ZHX2: variants seen among roughly 807,000 people sequenced by gnomAD.
The protein encoded by ZHX2 is zinc fingers and homeoboxes 2.
In ZHX2, 6 loss-of-function variants were observed where a neutral mutation model predicts 21.9. The observed-to-expected ratio is 0.27, with a 90% CI of 0.15 to 0.54. The LOEUF is 0.54. Ranked by LOEUF, ZHX2 falls within the 20% of genes least tolerant of loss-of-function variation. The pLI is 0.95. For missense variants in ZHX2, 908 were observed against 1,090.7 expected (o/e 0.83, Z 2.36); for synonymous variants, 434 against 437.1 (o/e 0.99, Z 0.09).
chr8:122,889,678 C>T (rs2129854622), intron 2 of ZHX2, among the ~76,000 whole-genome samples: 1 of 152,272 alleles, frequency 6.6e-6, no homozygotes, highest in East Asian at 1.9e-4. Context: ...CGGGTTTGAA[C>T]TGTGTGGGTC....
At chr8:122,895,888 A>T (rs563771505) in intron 2 of ZHX2, among the ~76,000 whole-genome samples, 55 of 152,156 alleles carry the variant, frequency 3.6e-4, no homozygotes, top group Admixed American at 7.2e-4. Context: ...CTTCCCAAAG[A>T]ATAAGCTTTA....
At chr8:122,787,468 G>A (rs1170011739) in intron 1 of ZHX2, among the ~76,000 whole-genome samples, 1 of 152,222 alleles carries the variant, frequency 6.6e-6, no homozygotes, top group African/African-American at 2.4e-5. Flanking sequence ...TCACTGTGGT[G>A]TAAGAGATTT....
At chr8:122,843,788 C>G (rs1201240679) in intron 1 of ZHX2, among the ~76,000 whole-genome samples, 1 of 152,186 alleles carries the variant, frequency 6.6e-6, no homozygotes, top group African/African-American at 2.4e-5. Context: ...GAAACACTTC[C>G]AGCTGGTGGG....
At chr8:122,783,948 G>C (rs936652063) in intron 1 of ZHX2, among the ~76,000 whole-genome samples, 2 of 152,210 alleles carry the variant, frequency 1.3e-5, no homozygotes, top group Non-Finnish European at 1.5e-5. Flanking sequence ...TTGCGCACTT[G>C]TACCTTTCCT....
intron 1 of ZHX2, among the ~76,000 whole-genome samples, chr8:122,848,827 A>G (rs570110400): frequency 6.6e-6 from 1 of 152,296 alleles, no homozygotes; most frequent in African/African-American, 2.4e-5. Context: ...CTCGGTCCTC[A>G]TGGCCAGGGT....
chr8:122,880,316 G>A (rs983547914), intron 2 of ZHX2, among the ~76,000 whole-genome samples: 9 of 152,110 alleles, frequency 5.9e-5, no homozygotes, highest in South Asian at 2.1e-4. Context: ...CTGGTGACAC[G>A]GAGTGACTCC....
chr8:122,945,887 G>A (rs1178365641), intron 2 of ZHX2, among the ~76,000 whole-genome samples: 2 of 152,206 alleles, frequency 1.3e-5, no homozygotes, highest in African/African-American at 4.8e-5. Flanking sequence ...AGGGGATGGT[G>A]TGATGACTGG....
At chr8:122,862,157 T>C (rs7816416) in intron 1 of ZHX2, among the ~76,000 whole-genome samples, 62,806 of 151,918 alleles carry the variant, frequency 0.41, 13,457 homozygotes, top group African/African-American at 0.48. Context: ...CACCACTCAC[T>C]TCCAGGACTC....
intron 2 of ZHX2, among the ~76,000 whole-genome samples, chr8:122,880,724 AAGATCATGCCACTACACTCC>A (rs6150794): frequency 0.43 from 64,950 of 149,496 alleles, 14,738 homozygotes; most frequent in South Asian, 0.66. Context: ...GCAGTGAGCC[AAGATCATGCCACTACACTCC>A]AGCTTGGGCA....
chr8:122,877,101 A>G (rs950136331), intron 2 of ZHX2, among the ~76,000 whole-genome samples: 2 of 152,072 alleles, frequency 1.3e-5, no homozygotes, highest in African/African-American at 4.8e-5. Flanking sequence ...AAGTGGAGAG[A>G]GGATGGCAAT....
chr8:122,841,065 G>C (rs1489386492), intron 1 of ZHX2, among the ~76,000 whole-genome samples: 1 of 152,194 alleles, frequency 6.6e-6, no homozygotes, highest in Non-Finnish European at 1.5e-5. Flanking sequence ...AGCATTGACT[G>C]TTTACCTGGC....
chr8:122,955,994 G>A (rs545495786), intron 3 of ZHX2, among the ~76,000 whole-genome samples: 11 of 151,992 alleles, frequency 7.2e-5, no homozygotes, highest in Middle Eastern at 3.4e-3. Flanking sequence ...ACAGGCATGC[G>A]CCACCCCACC....
At position 122,953,442 on chromosome 8, in the gene ZHX2, G is replaced by A. The variant is rs761249396; in HGVS notation, c.1932G>A (p.Arg644=). Residue 644 remains arginine (R), a synonymous_variant, in exon 3 of 4, where the codon AGG becomes AGA. Transcript: ENST00000314393. The surrounding 1 kb of genome is among the most constrained non-coding windows in gnomAD (Gnocchi z 4.6). ...AKSQEQVHLL[R]STFARTQWPT... is the part of the protein sequence containing the mutation. ...GTCAAGAACAGGTTCATCTCCTGAG[G>A]AGCACGTTTGCAAGAACCCAGTGGC... The A allele has an allele frequency of 3.7e-6, 6 of 1,614,072 alleles. No homozygotes were observed. The highest frequency in any genetic ancestry group is 1.7e-5 in the Admixed American group (1 of 60,010).
Position 122,875,729 on chromosome 8 carries a change from G to A in ZHX2, c.-220+12190G>A, listed in dbSNP as rs567389561. On this transcript the variant is annotated intron_variant, in intron 2 of 3. Transcript: ENST00000314393. ...GGAAACAGAAGCTGCCTGGGGGTGC[G>A]GGTCCCCCGCCCGTGGTTACACAGT... Among the ~76,000 whole-genome samples the A allele has an allele frequency of 1.6e-4, 24 of 152,344 alleles. No individual in the cohort carries two copies. In the South Asian group the frequency reaches 2.5e-3, roughly 16 times the overall value.
intron 2 of ZHX2, among the ~76,000 whole-genome samples, chr8:122,940,624 T>C (rs552063279): frequency 1.4e-3 from 207 of 152,354 alleles, no homozygotes; most frequent in African/African-American, 4.6e-3. Flanking sequence ...GCTTTCTTCC[T>C]AACAAGAGCT....
intron 3 of ZHX2, among the ~76,000 whole-genome samples, chr8:122,965,009 G>GT (rs1296193507): frequency 7.3e-6 from 1 of 137,412 alleles, no homozygotes; most frequent in Non-Finnish European, 1.6e-5. Flanking sequence ...TTCTAATTGA[G>GT]TTTATTTGGA....
chr8:122,941,233 G>A (rs550262876), intron 2 of ZHX2, among the ~76,000 whole-genome samples: 2 of 152,260 alleles, frequency 1.3e-5, no homozygotes, highest in East Asian at 3.9e-4. Context: ...GTGACAGAGT[G>A]AGAACCTGTC....
chr8:122,849,823 A>G (rs1163462195), intron 1 of ZHX2, among the ~76,000 whole-genome samples: 2 of 152,194 alleles, frequency 1.3e-5, no homozygotes, highest in Non-Finnish European at 2.9e-5. Flanking sequence ...CTCATCTATC[A>G]AATGAGGATG....
intron 1 of ZHX2, among the ~76,000 whole-genome samples, chr8:122,785,795 A>T (rs897884228): frequency 6.6e-6 from 1 of 152,044 alleles, no homozygotes; most frequent in East Asian, 1.9e-4. Flanking sequence ...GGAGAGGGGG[A>T]TGCAGGGAAG....
Sources: allele counts gnomAD v4.1 joint callset (sites outside exome capture counted in the v4.1 genomes callset), GRCh38; gene constraint gnomAD v4.1.1; non-coding constraint Gnocchi (gnomAD v3.1); transcripts MANE v1.5; gene names NCBI Gene and HGNC (gene_info 2026-07-23, HGNC 2026-07-21).